IGFL2: variants seen among roughly 807,000 people sequenced by gnomAD.
IGFL2 encodes insulin growth factor-like family member 2.
A neutral mutation model predicts 13.9 loss-of-function variants in IGFL2; 7 were observed. The observed-to-expected ratio is 0.51, with a 90% confidence interval of 0.29 to 0.95. IGFL2 has a LOEUF of 0.95. IGFL2 is among the 40% of genes least tolerant of loss of function. The pLI, the probability that IGFL2 is intolerant of heterozygous loss-of-function variation, is 0.08. For synonymous variants in IGFL2, 55 were observed against 55.8 expected (o/e 0.99, Z 0.07); for missense variants, 138 against 147.8 (o/e 0.93, Z 0.34).
the IGFL2 span, chr19:46,197,294 C>A: frequency 5.3e-6 from 1 of 188,814 alleles, no homozygotes; most frequent in Admixed American, 5.1e-5. Flanking sequence ...AGGTGAGGTC[C>A]TGTCTCCTCC....
At chr19:46,138,981 C>T (rs1429186150), upstream of IGFL2, among the ~76,000 whole-genome samples, 1 of 151,620 alleles carries the variant, frequency 6.6e-6, no homozygotes, top group Non-Finnish European at 1.5e-5. Context: ...CTGTCCCTGC[C>T]AACTCTCCAA....
At chr19:46,184,281 T>C in the IGFL2 span, among the ~76,000 whole-genome samples, 2 of 152,082 alleles carry the variant, frequency 1.3e-5, no homozygotes, top group African/African-American at 2.4e-5. Flanking sequence ...TTTTCTTTTT[T>C]AATTATACTT....
chr19:46,087,816 T>C, the IGFL2 span, among the ~76,000 whole-genome samples: 2 of 152,208 alleles, frequency 1.3e-5, no homozygotes, highest in Non-Finnish European at 2.9e-5. Flanking sequence ...GGAATGTCAG[T>C]TGGGCTCCAG....
chr19:46,128,735 A>G, the IGFL2 span, among the ~76,000 whole-genome samples: 1 of 152,168 alleles, frequency 6.6e-6, no homozygotes, highest in Non-Finnish European at 1.5e-5. Flanking sequence ...GTGCTGCTGG[A>G]TTCAGTTTGC....
the IGFL2 span, among the ~76,000 whole-genome samples, chr19:46,184,061 T>C: frequency 1.3e-5 from 2 of 152,228 alleles, no homozygotes; most frequent in Non-Finnish European, 2.9e-5. Flanking sequence ...CCAGTGATGA[T>C]GGAGATCACG....
the IGFL2 span, among the ~76,000 whole-genome samples, chr19:46,186,578 T>A: frequency 1.3e-5 from 2 of 152,226 alleles, no homozygotes; most frequent in Non-Finnish European, 2.9e-5. Context: ...GCCCAGCTGA[T>A]AAAATGAACA....
chr19:46,116,814 C>G, the IGFL2 span, among the ~76,000 whole-genome samples: 2 of 152,220 alleles, frequency 1.3e-5, no homozygotes, highest in East Asian at 3.9e-4. Context: ...TTAAATCAAG[C>G]TAATTAACAT....
chr19:46,155,855 G>A (rs73048059), intron 1 of IGFL2, among the ~76,000 whole-genome samples: 5,078 of 152,074 alleles, frequency 0.033, 126 homozygotes, highest in East Asian at 0.073. Flanking sequence ...TTTATCTTTC[G>A]CAATACCACG....
At chr19:46,185,643 G>A in the IGFL2 span, among the ~76,000 whole-genome samples, 11 of 152,306 alleles carry the variant, frequency 7.2e-5, no homozygotes, top group African/African-American at 2.6e-4. Flanking sequence ...AGAGAAGCCT[G>A]TTTATTCCTA....
At chr19:46,145,385 C>T (rs929757604), upstream of IGFL2, among the ~76,000 whole-genome samples, 1 of 152,020 alleles carries the variant, frequency 6.6e-6, no homozygotes, top group Non-Finnish European at 1.5e-5. Context: ...CTTACACCCC[C>T]AGTGGCCCTC....
At chr19:46,129,441 T>C in the IGFL2 span, among the ~76,000 whole-genome samples, 1 of 151,820 alleles carries the variant, frequency 6.6e-6, no homozygotes, top group Non-Finnish European at 1.5e-5. Context: ...CTCTAGTTCT[T>C]TTAGTTGTGA....
the IGFL2 span, chr19:46,136,745 T>A: frequency 1.7e-6 from 1 of 576,702 alleles, no homozygotes; most frequent in Admixed American, 1.9e-5. Context: ...TGAAAATGGG[T>A]TAAGCTGTAA....
At chr19:46,177,718 A>G in the IGFL2 span, among the ~76,000 whole-genome samples, 2 of 151,912 alleles carry the variant, frequency 1.3e-5, no homozygotes, top group African/African-American at 4.8e-5. Flanking sequence ...GAGGGTGAGG[A>G]TGGAGGCTGC....
the IGFL2 span, among the ~76,000 whole-genome samples, chr19:46,094,348 TA>T: frequency 0.013 from 2,017 of 152,150 alleles, 31 homozygotes; most frequent in Middle Eastern, 0.027. Context: ...GGGTTGGTTT[TA>T]AAAAAATATT....
the IGFL2 span, among the ~76,000 whole-genome samples, chr19:46,129,585 G>A: frequency 6.6e-6 from 1 of 151,986 alleles, no homozygotes; most frequent in Non-Finnish European, 1.5e-5. Context: ...GTTTCAAATA[G>A]CTTCTTGATT....
the IGFL2 span, among the ~76,000 whole-genome samples, chr19:46,191,443 G>A: frequency 2.6e-5 from 4 of 152,226 alleles, no homozygotes. Flanking sequence ...AAGTGAGGAT[G>A]AGGATGAAGG....
At chr19:46,079,274 C>T in the IGFL2 span, among the ~76,000 whole-genome samples, 2 of 152,350 alleles carry the variant, frequency 1.3e-5, no homozygotes, top group South Asian at 2.1e-4. Flanking sequence ...TGGGGCTGCT[C>T]GTTGGGTGGG....
chr19:46,089,328 G>A, the IGFL2 span, among the ~76,000 whole-genome samples: 6 of 152,010 alleles, frequency 3.9e-5, no homozygotes, highest in South Asian at 2.1e-4. Flanking sequence ...TTTTTATGTC[G>A]CATATCTCTT....
chr19:46,130,202 G>T, the IGFL2 span, among the ~76,000 whole-genome samples: 1 of 152,026 alleles, frequency 6.6e-6, no homozygotes, highest in Non-Finnish European at 1.5e-5. Context: ...TTTTCCATTT[G>T]CTTGGTAGAT....
Sources: allele counts gnomAD v4.1 joint callset (sites outside exome capture counted in the v4.1 genomes callset), GRCh38; gene constraint gnomAD v4.1.1; transcripts MANE v1.5; gene names NCBI Gene and HGNC (gene_info 2026-07-23, HGNC 2026-07-21).